The following TDRD3 variants were observed in gnomAD, a reference collection of about 807,000 sequenced individuals.
TDRD3 encodes the protein tudor domain containing 3, also known as tudor domain-containing protein 3.
TDRD3 carries 45 observed loss-of-function variants against 86.7 expected under a neutral mutation model. That is an observed-to-expected ratio of 0.52 (90% CI 0.41 to 0.67). TDRD3 has a LOEUF of 0.67. Ranked by LOEUF, TDRD3 falls within the 30% of genes least tolerant of loss-of-function variation. The probability of loss-of-function intolerance (pLI) is 0.00; values close to 1 mark genes in which losing one functional copy is unlikely to be tolerated. For missense variants in TDRD3, 814 were observed against 889.0 expected (o/e 0.92, Z 1.07); for synonymous variants, 298 against 301.7 (o/e 0.99, Z 0.13).
chr13:60,428,387 G>A (rs935691356), intron 1 of TDRD3, among the ~76,000 whole-genome samples: 4 of 152,080 alleles, frequency 2.6e-5, no homozygotes, highest in African/African-American at 9.6e-5. Flanking sequence ...TATGGGGGAT[G>A]TAGTCAAATT....
intron 12 of TDRD3, among the ~76,000 whole-genome samples, chr13:60,563,091 G>C (rs566773979): frequency 6.6e-6 from 1 of 152,182 alleles, no homozygotes; most frequent in African/African-American, 2.4e-5. Flanking sequence ...AGCTAGGCAT[G>C]ATGGCTGGTA....
chr13:60,509,662 T>A lies in TDRD3; in HGVS notation c.859-101T>A, dbSNP rs527529111. 1.1e-5 allele frequency: 15 copies of A among 1,373,534 alleles called. No individual in the cohort carries two copies. In the Admixed American group the frequency reaches 2.2e-4, roughly 21 times the overall value. The allele number at this position is 1,373,534 out of a possible 1,614,324, so 85.1% of individuals were successfully genotyped here. ...TATTAGAATGACATTTTTACATAAG[T>A]ATGGGATGTAATTTTTAGTTAAAAG... is the stretch of plus-strand genomic sequence containing the variant. On this transcript the variant is annotated intron_variant, in intron 8 of 13. Transcript: ENST00000377881.
intron 8 of TDRD3, among the ~76,000 whole-genome samples, chr13:60,499,608 G>A (rs968406209): frequency 2.0e-5 from 3 of 152,200 alleles, no homozygotes; most frequent in Admixed American, 6.5e-5. Flanking sequence ...CAGTAAGCAC[G>A]AAGTAGCAAA....
intron 8 of TDRD3, chr13:60,509,557 CAG>C (rs1315722580): frequency 3.4e-6 from 2 of 585,976 alleles, no homozygotes; most frequent in East Asian, 5.7e-5. Context: ...CTTGTGAGGT[CAG>C]AGAATACTCA....
intron 8 of TDRD3, among the ~76,000 whole-genome samples, chr13:60,501,392 G>T (rs761593178): frequency 2.0e-5 from 3 of 152,146 alleles, no homozygotes; most frequent in African/African-American, 4.8e-5. Context: ...CAGCCATTCC[G>T]ATGGGTTGTA....
At position 60,528,482 on chromosome 13, in the gene TDRD3, G is replaced by A. The variant is rs1957500174; in HGVS notation, c.1257G>A (p.Arg419=). The change falls in exon 11 of 14, where the codon AGG becomes AGA. Residue 419 remains arginine, a synonymous_variant. Transcript: ENST00000377881. ...GACATCCTCCTCGAAATGATACCAGGCAGCCAAGAAATGAAAAACCGCCTC... is the reference window on the plus strand; with the variant it reads ...GACATCCTCCTCGAAATGATACCAGACAGCCAAGAAATGAAAAACCGCCTC... ...HLRHPPRNDT[R]QPRNEKPPRF... 2 of 1,613,946 alleles carry A rather than the reference G, an allele frequency of 1.2e-6. No homozygotes were observed. Among genetic ancestry groups the A allele is most frequent in the Non-Finnish European group, 8.5e-7 (1 of 1,179,932 alleles).
intron 12 of TDRD3, chr13:60,535,907 A>G (rs1159962045): frequency 6.6e-6 from 1 of 152,150 alleles, no homozygotes; most frequent in Admixed American, 6.5e-5. Context: ...GGAATACAAG[A>G]CATATTAGAA....
intron 5 of TDRD3, among the ~76,000 whole-genome samples, chr13:60,476,606 A>C (rs1956191720): frequency 6.6e-6 from 1 of 152,078 alleles, no homozygotes; most frequent in Admixed American, 6.6e-5. Context: ...TAACATTGAT[A>C]GTTTGATAGG....
Position 60,397,282 on chromosome 13 carries a change from T to C in TDRD3, c.-83T>C. On this transcript the variant is annotated 5_prime_UTR_variant, in exon 1 of 14. Transcript: ENST00000377881. ...TTTTTCTTTTCTTTTCTTTTTTTTT[T>C]TTTAAGGGGGGGGGTCTCAAGTAGG... 1 of 735,240 alleles carries C rather than the reference T, an allele frequency of 1.4e-6. No homozygotes were observed. The highest frequency in any genetic ancestry group is 2.5e-5 in the South Asian group (1 of 39,514). 45.5% of individuals were successfully genotyped at this position (735,240 alleles called of 1,614,324 possible). A position where few individuals can be genotyped will look rare whatever the true frequency, so the allele number is the denominator to read the frequency against.
chr13:60,440,695 G>A (rs778202867), intron 2 of TDRD3, among the ~76,000 whole-genome samples: 1 of 151,894 alleles, frequency 6.6e-6, no homozygotes, highest in Non-Finnish European at 1.5e-5. Context: ...AAAAAAGTAA[G>A]TAAACAAATG....
At chr13:60,436,914 C>T (rs1955125402) in intron 1 of TDRD3, among the ~76,000 whole-genome samples, 1 of 152,120 alleles carries the variant, frequency 6.6e-6, no homozygotes, top group African/African-American at 2.4e-5. Context: ...CAGAAGGGAA[C>T]AGCATGACTG....
In TDRD3 at chr13:60,523,249, G is replaced by A. The variant is rs188882614; in HGVS notation, c.1142-5118G>A. 9.6e-4 allele frequency among the ~76,000 whole-genome samples: 146 copies of A among 152,090 alleles called. No homozygotes were observed. The East Asian group carries it at 0.021, about 22-fold the overall frequency. On this transcript the variant is annotated intron_variant, in intron 10 of 13. Transcript: ENST00000377881. Reference sequence around the variant, plus strand: ...TACAACTGCTTCTGGAGAATATTCTGCAAAAAAGTATTAATATTTTAAGAT... The same window carrying A: ...TACAACTGCTTCTGGAGAATATTCTACAAAAAAGTATTAATATTTTAAGAT...
chr13:60,535,832 G>C (rs1397775776), intron 12 of TDRD3: 1 of 152,106 alleles, frequency 6.6e-6, no homozygotes, highest in Non-Finnish European at 1.5e-5. Flanking sequence ...CTGACTCATG[G>C]AGTCCATTTT....
At chr13:60,567,721 T>A (rs982887455) in intron 13 of TDRD3, 71 bp downstream of exon 13, 3 of 1,569,026 alleles carry the variant, frequency 1.9e-6, no homozygotes, top group African/African-American at 1.4e-5. Context: ...ATAAGTCCAA[T>A]TAGTGATTTT....
intron 12 of TDRD3, among the ~76,000 whole-genome samples, chr13:60,547,054 T>C (rs1206290600): frequency 2.0e-5 from 3 of 152,194 alleles, no homozygotes; most frequent in Non-Finnish European, 4.4e-5. Flanking sequence ...TTTCAAAGTT[T>C]TGACAGAAAC....
intron 10 of TDRD3, among the ~76,000 whole-genome samples, chr13:60,525,991 G>T (rs1302974570): frequency 2.6e-5 from 4 of 152,070 alleles, no homozygotes; most frequent in Admixed American, 2.6e-4. Context: ...CCTTTTAGAA[G>T]AATTGAAATC....
intron 1 of TDRD3, among the ~76,000 whole-genome samples, chr13:60,428,577 A>G (rs1214028262): frequency 6.6e-6 from 1 of 152,220 alleles, no homozygotes; most frequent in African/African-American, 2.4e-5. Context: ...CAGTGGGGGT[A>G]CAGAAGCTTA....
intron 1 of TDRD3, among the ~76,000 whole-genome samples, chr13:60,425,888 G>A (rs1401078010): frequency 6.6e-6 from 1 of 152,040 alleles, no homozygotes; most frequent in African/African-American, 2.4e-5. Context: ...TCTTTTTATT[G>A]TAGGAATATA....
intron 11 of TDRD3, among the ~76,000 whole-genome samples, chr13:60,533,366 C>T (rs553709701): frequency 3.3e-5 from 5 of 152,200 alleles, no homozygotes; most frequent in South Asian, 2.1e-4. Context: ...ATTGGCTGGG[C>T]GCAGTGGCTC....
Sources: allele counts gnomAD v4.1 joint callset (sites outside exome capture counted in the v4.1 genomes callset), GRCh38; gene constraint gnomAD v4.1.1; transcripts MANE v1.5; gene names NCBI Gene and HGNC (gene_info 2026-07-23, HGNC 2026-07-21).